Variants in KBTBD11 observed in about 807,000 individuals in gnomAD.
KBTBD11 encodes kelch repeat and BTB domain containing 11.
For missense variants in KBTBD11, 1,390 were observed against 1,001.8 expected (o/e 1.39, Z -5.23); for synonymous variants, 747 against 499.0 (o/e 1.50, Z -6.63).
Position 2,001,972 on chromosome 8 carries a change from C to T in KBTBD11, c.780C>T (p.Ser260=), listed in dbSNP as rs866332240. The T allele has an allele frequency of 6.1e-6, 9 of 1,466,796 alleles. No individual in the cohort carries two copies. Among genetic ancestry groups the T allele is most frequent in the African/African-American group, 5.9e-5 (4 of 67,770 alleles). 90.9% of individuals were successfully genotyped at this position (1,466,796 alleles called of 1,614,324 possible). A position where few individuals can be genotyped will look rare whatever the true frequency, so the allele number is the denominator to read the frequency against. ...ELRDAAYCFM[S]DHYLEVLREP... is the part of the protein sequence containing the mutation. ...GCGACGCCGCCTACTGCTTCATGAG[C>T]GACCACTATCTGGAGGTGCTGCGCG... Residue 260 remains serine, a synonymous_variant, in exon 2 of 2, where the codon AGC becomes AGT. Coordinates refer to ENST00000320248, the MANE Select transcript of KBTBD11 (RefSeq NM_014867.3).
chr8:2,006,853 A>T lies in KBTBD11; in HGVS notation c.*3789A>T, dbSNP rs1406110385. The T allele has an allele frequency of 1.8e-5, 3 of 167,058 alleles. No homozygotes were observed. The highest frequency in any genetic ancestry group is 4.4e-5 in the Non-Finnish European group (3 of 68,140). The allele number at this position is 167,058 out of a possible 1,614,324, so 10.3% of individuals were successfully genotyped here. ...TGTATTTATTAATGCTTGACTTTTA[A>T]AATCCTGGGCATAAATAGTGCAGAG... On this transcript the variant is annotated 3_prime_UTR_variant, in exon 2 of 2. Transcript: ENST00000320248.
intron 1 of KBTBD11, among the ~76,000 whole-genome samples, chr8:1,979,983 C>T (rs1007002259): frequency 2.6e-5 from 4 of 152,186 alleles, no homozygotes; most frequent in African/African-American, 9.6e-5. Flanking sequence ...GAGTGCAGTG[C>T]CCAGTCTCAC....
chr8:1,988,090 C>T (rs907540201), intron 1 of KBTBD11, among the ~76,000 whole-genome samples: 9 of 152,168 alleles, frequency 5.9e-5, no homozygotes, highest in Non-Finnish European at 1.3e-4. Context: ...CATAGTATTC[C>T]ATGGTGTATA....
Position 2,001,554 on chromosome 8 carries a change from AGGAGCCCGG to A in KBTBD11, c.371_379del (p.Gly124_Pro126del), listed in dbSNP as rs757999930. 3,954 of 1,437,776 alleles carry A rather than the reference AGGAGCCCGG, an allele frequency of 2.8e-3. 4 individuals are homozygous for A. Among genetic ancestry groups the A allele is most frequent in the Middle Eastern group, 9.6e-3 (39 of 4,078 alleles). The allele number at this position is 1,437,776 out of a possible 1,614,324, so 89.1% of individuals were successfully genotyped here. A position where few individuals can be genotyped will look rare whatever the true frequency, so the allele number is the denominator to read the frequency against. ...TGGCTTGAGGACCCCGCGTCCCCCG[AGGAGCCCGG>A]GGAGCCCGCGCCCGTACCCCCGGGG... On this transcript the variant is annotated inframe_deletion, in exon 2 of 2. Transcript: ENST00000320248.
In KBTBD11 at chr8:2,001,312, C is replaced by T. The variant is rs751496092; in HGVS notation, c.120C>T (p.Ser40=). 100 of 1,524,448 alleles carry T rather than the reference C, an allele frequency of 6.6e-5. No individual in the cohort carries two copies. Among genetic ancestry groups the T allele is most frequent in the Admixed American group, 7.8e-5 (4 of 51,558 alleles). 94.4% of individuals were successfully genotyped at this position (1,524,448 alleles called of 1,614,324 possible). The stretch of plus-strand genomic sequence containing the variant: ...AGACACCCTGCAGTCTCGGCGCGTC[C>T]CTGTGCTTCAGCTCCGGGGAAGAGT... ...PAQTPCSLGA[S]LCFSSGEESP... The change falls in exon 2 of 2, where the codon TCC becomes TCT. Residue 40 remains serine, a synonymous_variant. Coordinates refer to ENST00000320248, the MANE Select transcript of KBTBD11 (RefSeq NM_014867.3).
At position 2,001,933 on chromosome 8, in the gene KBTBD11, G is replaced by A; in HGVS notation, c.741G>A (p.Arg247=). 1 of 1,467,158 alleles carries A rather than the reference G, an allele frequency of 6.8e-7. No individual in the cohort carries two copies. Among genetic ancestry groups the A allele is most frequent in the South Asian group, 1.2e-5 (1 of 82,636 alleles). The allele number at this position is 1,467,158 out of a possible 1,614,324, so 90.9% of individuals were successfully genotyped here. A position where few individuals can be genotyped will look rare whatever the true frequency, so the allele number is the denominator to read the frequency against. ...TCCTGAGCGCGGCCAAGCGGCAGCGGCTGAACGAGCTGCGCGACGCCGCCT... is the reference window on the plus strand; with the variant it reads ...TCCTGAGCGCGGCCAAGCGGCAGCGACTGAACGAGCTGCGCGACGCCGCCT... The part of the protein sequence containing the change: ...YEVLSAAKRQ[R]LNELRDAAYC... The change falls in exon 2 of 2, where the codon CGG becomes CGA. Residue 247 remains arginine (R), a synonymous_variant. Transcript: ENST00000320248.
At position 1,991,560 on chromosome 8, in the gene KBTBD11, AGGG is replaced by A. The variant is rs1816918699; in HGVS notation, c.-908-8724_-908-8722del. On this transcript the variant is annotated intron_variant, in intron 1 of 1. Transcript: ENST00000320248. The stretch of plus-strand genomic sequence containing the variant: ...TTCCAGCTCTGTGATCCATGAGGGC[AGGG>A]CCCTTGCTCCTGCATCAGCCCAGAG... Among the ~76,000 whole-genome samples, 300 of 152,020 alleles carry A rather than the reference AGGG, an allele frequency of 2.0e-3. 4 individuals are homozygous for A. The highest frequency in any genetic ancestry group is 6.9e-3 in the African/African-American group (284 of 41,304).
rs1398276327 is a variant in KBTBD11 at position 2,001,243 on chromosome 8, G to T, written c.51G>T (p.Gly17=). 1.1e-5 allele frequency: 16 copies of T among 1,493,732 alleles called. No individual in the cohort carries two copies. The highest frequency in any genetic ancestry group is 1.4e-5 in the Non-Finnish European group (16 of 1,126,148). 92.5% of individuals were successfully genotyped at this position (1,493,732 alleles called of 1,614,324 possible). The stretch of plus-strand genomic sequence containing the variant: ...TCCTCTACCCAGGGACTGAGCCCGG[G>T]GCTGCCGGGGAGAGCGAGAGCGAGG... ...PCVLYPGTEP[G]AAGESESEGA... Residue 17 remains glycine (G), a synonymous_variant, in exon 2 of 2, where the codon GGG becomes GGT. Transcript: ENST00000320248.
rs564928189 is a variant in KBTBD11 at position 1,977,643 on chromosome 8, T to G, written c.-909+3708T>G. Reference sequence around the variant, plus strand: ...GGTTCAAGCAATTCTCATGTCTCAGTCTCTCGAGTAGCTGGGATTACAGGC... The same window carrying G: ...GGTTCAAGCAATTCTCATGTCTCAGGCTCTCGAGTAGCTGGGATTACAGGC... On this transcript the variant is annotated intron_variant, in intron 1 of 1. Coordinates refer to ENST00000320248, the MANE Select transcript of KBTBD11 (RefSeq NM_014867.3). Among the ~76,000 whole-genome samples the G allele has an allele frequency of 2.0e-5, 3 of 152,212 alleles. No homozygotes were observed. The East Asian group carries it at 5.8e-4, about 29-fold the overall frequency.
rs563459707 is a variant in KBTBD11, at chr8:2,001,427, G to A, written c.235G>A (p.Glu79Lys). ...CCCGCGGGTGGTGGAGCGGCAGTGG[G>A]AGGCCGGCAGCGCGGGCGCCGCGTC... Reference protein sequence around the residue: ...GGPRVVERQWEAGSAGAASPE... With the variant: ...GGPRVVERQWKAGSAGAASPE... The change falls in exon 2 of 2, where the codon GAG becomes AAG. Residue 79 changes from glutamate (E) to lysine (K), a missense_variant. By Grantham distance (56) the Glu-to-Lys change is moderately conservative. Transcript: ENST00000320248. The A allele has an allele frequency of 7.3e-6, 10 of 1,367,498 alleles. No individual in the cohort carries two copies. In the South Asian group the frequency reaches 1.5e-4, roughly 21 times the overall value. The allele number at this position is 1,367,498 out of a possible 1,614,324, so 84.7% of individuals were successfully genotyped here. A position where few individuals can be genotyped will look rare whatever the true frequency, so the allele number is the denominator to read the frequency against.
intron 1 of KBTBD11, among the ~76,000 whole-genome samples, chr8:1,994,535 T>G (rs1337538903): frequency 6.6e-6 from 1 of 152,212 alleles, no homozygotes; most frequent in Non-Finnish European, 1.5e-5. Flanking sequence ...GCTCTGCCCC[T>G]TAAAACTGCA....
At chr8:1,990,027 T>G (rs1239910498) in intron 1 of KBTBD11, among the ~76,000 whole-genome samples, 1 of 151,658 alleles carries the variant, frequency 6.6e-6, no homozygotes, top group Non-Finnish European at 1.5e-5. Context: ...GCTGCTAATT[T>G]TGTTCAGTCT....
intron 1 of KBTBD11, among the ~76,000 whole-genome samples, chr8:1,975,478 G>A (rs7388076): frequency 0.61 from 92,165 of 152,146 alleles, 28,233 homozygotes; most frequent in East Asian, 0.74. Context: ...AATTGCCTGC[G>A]GTATTGTGCA....
At chr8:1,974,755 G>A (rs1482045420) in intron 1 of KBTBD11, 3 of 966,158 alleles carry the variant, frequency 3.1e-6, no homozygotes, top group African/African-American at 3.5e-5. Context: ...ATGAAAAGAG[G>A]GTGAACCAAA....
chr8:2,002,422 G>T lies in KBTBD11; in HGVS notation c.1230G>T (p.Leu410=). 1 of 1,493,408 alleles carries T rather than the reference G, an allele frequency of 6.7e-7. No homozygotes were observed. Among genetic ancestry groups the T allele is most frequent in the Non-Finnish European group, 8.9e-7 (1 of 1,128,582 alleles). 92.5% of individuals were successfully genotyped at this position (1,493,408 alleles called of 1,614,324 possible). The change falls in exon 2 of 2, where the codon CTG becomes CTT. Residue 410 remains leucine (L), a synonymous_variant. Transcript: ENST00000320248. The surrounding 1 kb of genome is among the most constrained non-coding windows in gnomAD (Gnocchi z 4.1). ...QARSQLRLLA[L]DGHLYAVGGE... is the part of the protein sequence containing the mutation. The stretch of plus-strand genomic sequence containing the variant: ...GCTCGCAGCTGCGGCTGCTGGCCCT[G>T]GACGGTCACCTCTACGCCGTGGGCG...
rs1360274956 is a variant in KBTBD11 at position 2,002,164 on chromosome 8, C to T, written c.972C>T (p.Asp324=). The T allele has an allele frequency of 1.7e-6, 2 of 1,202,284 alleles. No individual in the cohort carries two copies. The highest frequency in any genetic ancestry group is 3.2e-5 in the African/African-American group (2 of 61,844). 74.5% of individuals were successfully genotyped at this position (1,202,284 alleles called of 1,614,324 possible). A position where few individuals can be genotyped will look rare whatever the true frequency, so the allele number is the denominator to read the frequency against. The change falls in exon 2 of 2, where the codon GAC becomes GAT. Residue 324 remains aspartate, a synonymous_variant. Coordinates refer to ENST00000320248, the MANE Select transcript of KBTBD11 (RefSeq NM_014867.3). The surrounding 1 kb of genome is among the most constrained non-coding windows in gnomAD (Gnocchi z 4.1). ...CGGGGGACGCGGACGCGCGCGGGGA[C>T]GCGGCCGTCTACTGCTTCCACGCGG... The part of the protein sequence containing the change: ...SPSGDADARG[D]AAVYCFHAAA...
intron 1 of KBTBD11, among the ~76,000 whole-genome samples, chr8:1,978,130 T>C (rs1816412899): frequency 6.6e-6 from 1 of 152,186 alleles, no homozygotes; most frequent in Non-Finnish European, 1.5e-5. Context: ...AGGCATTAGC[T>C]CTTTATCCTG....
chr8:1,995,265 A>G (rs1817095585), intron 1 of KBTBD11, among the ~76,000 whole-genome samples: 2 of 151,930 alleles, frequency 1.3e-5, no homozygotes, highest in Non-Finnish European at 2.9e-5. Flanking sequence ...TCTTTTATCC[A>G]TGTAGTATCT....
At chr8:1,980,719 G>A (rs1285696490) in intron 1 of KBTBD11, among the ~76,000 whole-genome samples, 8 of 152,220 alleles carry the variant, frequency 5.3e-5, no homozygotes, top group South Asian at 4.1e-4. Flanking sequence ...GTGGCACCAC[G>A]CAGCCGCCAG....
Sources: gnomAD v4.1 joint callset for allele counts (sites outside exome capture counted in the v4.1 genomes callset) on GRCh38, gnomAD v4.1.1 for gene constraint, Gnocchi (gnomAD v3.1) non-coding constraint, MANE v1.5 for transcripts, NCBI Gene and HGNC (gene_info 2026-07-23, HGNC 2026-07-21) for gene names.